HAT1: variants seen among roughly 807,000 people sequenced by gnomAD.
The protein encoded by HAT1 is histone acetyltransferase type B catalytic subunit.
In HAT1, 20 loss-of-function variants were observed where a neutral mutation model predicts 56.6. The ratio of observed to expected loss-of-function variants is 0.35; its 90% CI spans 0.25 to 0.51. HAT1 has a LOEUF of 0.51. Among genes scored for constraint, HAT1 ranks in the 20% least tolerant of loss-of-function variants. The pLI, the probability that HAT1 is intolerant of heterozygous loss-of-function variation, is 0.95. For missense variants in HAT1, 408 were observed against 504.3 expected (o/e 0.81, Z 1.83); for synonymous variants, 146 against 165.5 (o/e 0.88, Z 0.91).
chr2:171,938,024 T>TTCTCTCTCTCTCTCTCTCTCTCTCTCTC, intron 2 of HAT1, among the ~76,000 whole-genome samples: 1 of 104,848 alleles, frequency 9.5e-6, no homozygotes, highest in Non-Finnish European at 1.8e-5. Flanking sequence ...TGTCTACTGA[T>TTCTCTCTCTCTCTCTCTCTCTCTCTCTC]TCTCTCTCTC....
intron 2 of HAT1, 123 bp downstream of exon 2, chr2:171,925,764 G>T (rs1686573907): frequency 3.6e-6 from 2 of 548,180 alleles, no homozygotes; most frequent in African/African-American, 1.9e-5. Flanking sequence ...ATGGTTTTCT[G>T]CATTTATTGA....
intron 9 of HAT1, among the ~76,000 whole-genome samples, chr2:171,978,563 AT>A (rs1423085723): frequency 6.9e-6 from 1 of 145,788 alleles, no homozygotes; most frequent in Non-Finnish European, 1.5e-5. Flanking sequence ...GAAAACTCAC[AT>A]TTTCACATCC....
At chr2:171,949,584 G>A (rs866400545) in intron 3 of HAT1, among the ~76,000 whole-genome samples, 3 of 151,110 alleles carry the variant, frequency 2.0e-5, no homozygotes, top group Non-Finnish European at 4.4e-5. Flanking sequence ...TGAGGCAGGA[G>A]AATTGCCTGA....
chr2:171,958,804 C>T (rs1049464796), intron 4 of HAT1, among the ~76,000 whole-genome samples: 3 of 152,196 alleles, frequency 2.0e-5, no homozygotes, highest in African/African-American at 7.2e-5. Context: ...CTGACATTAA[C>T]TTCTGACTTT....
intron 1 of HAT1, chr2:171,923,814 C>T (rs1052200149): frequency 6.6e-6 from 1 of 152,116 alleles, no homozygotes; most frequent in Non-Finnish European, 1.5e-5. Flanking sequence ...AGTTGGATGC[C>T]CTTCAACTAA....
intron 2 of HAT1, among the ~76,000 whole-genome samples, chr2:171,929,782 T>C (rs1285491525): frequency 1.3e-5 from 2 of 152,236 alleles, no homozygotes; most frequent in Admixed American, 6.5e-5. Context: ...ATCTGGACTT[T>C]TCTCATTCAT....
chr2:171,941,995 C>A (rs1687030213), intron 2 of HAT1, among the ~76,000 whole-genome samples: 1 of 152,110 alleles, frequency 6.6e-6, no homozygotes, highest in Admixed American at 6.6e-5. Context: ...ACCTCTGCCT[C>A]CTGGGTTCAA....
At position 171,945,160 on chromosome 2, in the gene HAT1, C is replaced by T. The variant is rs756241361; in HGVS notation, c.113-1548C>T. Among the ~76,000 whole-genome samples, 19 of 152,036 alleles carry T rather than the reference C, an allele frequency of 1.2e-4. 1 individual carries two copies. Among genetic ancestry groups the T allele is most frequent in the Admixed American group, 2.6e-4 (4 of 15,268 alleles). ...TGCTGGGATTACAGGTGTGAGCCAC[C>T]GCGCCCAGCCCTCCAATTTTTCTTT... On this transcript the variant is annotated intron_variant, in intron 2 of 10. Coordinates refer to ENST00000264108, the MANE Select transcript of HAT1 (RefSeq NM_003642.4).
chr2:171,943,028 G>A lies in HAT1; in HGVS notation c.113-3680G>A, dbSNP rs1574043405. On this transcript the variant is annotated intron_variant, in intron 2 of 10. Coordinates refer to ENST00000264108, the MANE Select transcript of HAT1 (RefSeq NM_003642.4). ...CCAAACATTTTCAAACATTAGAGAT[G>A]TAGTAGTTGTGAATTTTTAGGTTAG... Among the ~76,000 whole-genome samples, 3 of 150,272 alleles carry A rather than the reference G, an allele frequency of 2.0e-5. No homozygotes were observed. The East Asian group carries it at 5.8e-4, about 29-fold the overall frequency.
intron 4 of HAT1, among the ~76,000 whole-genome samples, chr2:171,956,330 G>A (rs549016524): frequency 2.0e-5 from 3 of 151,934 alleles, no homozygotes; most frequent in African/African-American, 4.8e-5. Flanking sequence ...ACGCACACAC[G>A]CACGCATGCA....
At chr2:171,942,340 A>G (rs1391022108) in intron 2 of HAT1, among the ~76,000 whole-genome samples, 2 of 152,248 alleles carry the variant, frequency 1.3e-5, no homozygotes, top group African/African-American at 4.8e-5. Context: ...AAAATTATCC[A>G]TAATTCATCA....
At chr2:171,980,908 G>A (rs1456522301) in intron 10 of HAT1, 2 of 149,962 alleles carry the variant, frequency 1.3e-5, no homozygotes, top group African/African-American at 2.5e-5. Context: ...GGTGGTTCAC[G>A]TCTATAATCC....
At chr2:171,976,970 T>C (rs1351181668) in intron 9 of HAT1, among the ~76,000 whole-genome samples, 7 of 143,488 alleles carry the variant, frequency 4.9e-5, no homozygotes, top group African/African-American at 1.8e-4. Context: ...GGTCAGGACA[T>C]TGACACCATC....
rs760424913 is a variant in HAT1 at position 171,966,423 on chromosome 2, A to G, written c.626A>G (p.Asn209Ser). 2.6e-6 allele frequency: 4 copies of G among 1,568,528 alleles called. No homozygotes were observed. Among genetic ancestry groups the G allele is most frequent in the Non-Finnish European group, 3.5e-6 (4 of 1,138,428 alleles). Residue 209 changes from asparagine to serine, a missense_variant, in exon 7 of 11, where the codon AAT becomes AGT. Asn to Ser is a conservative substitution (Grantham distance 46). Coordinates refer to ENST00000264108, the MANE Select transcript of HAT1 (RefSeq NM_003642.4). Reference sequence around the variant, plus strand: ...TTTATCTGCAGATTTGAGAAGTATAATAAGGATGGAGCTACGCTCTTTGCG... The same window carrying G: ...TTTATCTGCAGATTTGAGAAGTATAGTAAGGATGGAGCTACGCTCTTTGCG... Reference protein sequence around the residue: ...WHYFLVFEKYNKDGATLFATV... With the variant: ...WHYFLVFEKYSKDGATLFATV...
intron 8 of HAT1, among the ~76,000 whole-genome samples, chr2:171,970,547 T>G (rs1471193762): frequency 9.0e-6 from 1 of 110,790 alleles, no homozygotes; most frequent in African/African-American, 3.5e-5. Flanking sequence ...TGAGACGGAG[T>G]CTCCCTCTGT....
chr2:171,971,044 A>C (rs1023931607), intron 8 of HAT1, among the ~76,000 whole-genome samples: 2 of 151,738 alleles, frequency 1.3e-5, no homozygotes, highest in African/African-American at 2.4e-5. Context: ...ACTAAAAATA[A>C]AAAAATTAGC....
intron 4 of HAT1, among the ~76,000 whole-genome samples, chr2:171,962,486 C>T (rs1687597740): frequency 6.6e-6 from 1 of 152,192 alleles, no homozygotes; most frequent in Admixed American, 6.5e-5. Flanking sequence ...CCTCCGCCTC[C>T]CAAGTTCAAG....
At chr2:171,947,527 A>G (rs1421933277) in intron 3 of HAT1, among the ~76,000 whole-genome samples, 1 of 152,182 alleles carries the variant, frequency 6.6e-6, no homozygotes, top group Non-Finnish European at 1.5e-5. Context: ...AAGAGCTGGG[A>G]CTACAGGCAT....
Position 171,949,859 on chromosome 2 carries a change from G to A in HAT1, c.189-3022G>A, listed in dbSNP as rs113381106. On this transcript the variant is annotated intron_variant, in intron 3 of 10. Coordinates refer to ENST00000264108, the MANE Select transcript of HAT1 (RefSeq NM_003642.4). ...ACAATCTGTTACTGCTACTAATTTT[G>A]ATGCTCAAATTATCCCAGATTTGGC... 4.4e-3 allele frequency among the ~76,000 whole-genome samples: 666 copies of A among 152,126 alleles called. 6 individuals carry two copies. The highest frequency in any genetic ancestry group is 0.015 in the African/African-American group (625 of 41,492).
Sources: gnomAD v4.1 joint callset for allele counts (sites outside exome capture counted in the v4.1 genomes callset) on GRCh38, gnomAD v4.1.1 for gene constraint, MANE v1.5 for transcripts, NCBI Gene and HGNC (gene_info 2026-07-23, HGNC 2026-07-21) for gene names.